The following CGRRF1 variants were observed in gnomAD, a reference collection of about 807,000 sequenced individuals.
CGRRF1 encodes cell growth regulator with RING finger domain protein 1.
A neutral mutation model predicts 37.2 loss-of-function variants in CGRRF1; 32 were observed. The observed-to-expected ratio is 0.86, with a 90% CI of 0.65 to 1.16. CGRRF1 has a LOEUF of 1.16. Ranked by LOEUF, CGRRF1 falls within the 50% of genes most tolerant of loss-of-function variation. The probability of loss-of-function intolerance (pLI) is 0.00; values close to 1 mark genes in which losing one functional copy is unlikely to be tolerated. For missense variants in CGRRF1, 391 were observed against 382.6 expected, an observed-to-expected ratio of 1.02 and a Z score of -0.18; for synonymous variants, 141 against 140.3, an observed-to-expected ratio of 1.00 and a Z score of -0.04.
intron 4 of CGRRF1, chr14:54,537,254 T>TA (rs1365173553): frequency 6.6e-6 from 1 of 152,348 alleles, no homozygotes; most frequent in African/African-American, 2.4e-5. Flanking sequence ...GTCGCCCTCA[T>TA]AACTCTCTCT....
At chr14:54,521,472 A>G (rs2032315852) in intron 1 of CGRRF1, among the ~76,000 whole-genome samples, 1 of 151,984 alleles carries the variant, frequency 6.6e-6, no homozygotes, top group Non-Finnish European at 1.5e-5. Flanking sequence ...AAAAAAAAAA[A>G]AAGTTCCGTT....
intron 2 of CGRRF1, among the ~76,000 whole-genome samples, chr14:54,527,456 T>C (rs181242891): frequency 6.6e-6 from 1 of 152,182 alleles, no homozygotes; most frequent in Admixed American, 6.5e-5. Flanking sequence ...AAACTTAAAG[T>C]ATAATAATAA....
intron 2 of CGRRF1, among the ~76,000 whole-genome samples, chr14:54,525,008 C>T (rs1035257999): frequency 3.3e-5 from 5 of 152,134 alleles, no homozygotes; most frequent in Non-Finnish European, 5.9e-5. Flanking sequence ...GATCACACCA[C>T]TTCACTTCAG....
intron 4 of CGRRF1, among the ~76,000 whole-genome samples, chr14:54,531,490 T>A (rs2032513587): frequency 6.6e-6 from 1 of 152,144 alleles, no homozygotes; most frequent in Admixed American, 6.5e-5. Flanking sequence ...ATTTGCTGTA[T>A]AGAAACAGTC....
rs777519506 is a variant in CGRRF1, at chr14:54,530,117, C to A, written c.313C>A (p.Gln105Lys). The change falls in exon 3 of 6, where the codon CAA (glutamine) becomes AAA (lysine). Residue 105 changes from glutamine (Q) to lysine (K), a missense_variant. By Grantham distance (53) the Gln-to-Lys change is moderately conservative (BLOSUM62 1). Transcript: ENST00000216420. Reference protein sequence around the residue: ...LLTCYWGCSVQKLYEALQKHV... With the variant: ...LLTCYWGCSVKKLYEALQKHV... ...TACATGCTACTGGGGGTGCAGTGTT[C>A]AAAAATTATATGAAGCTCTGCAGAA... 1 of 1,613,478 alleles carries A rather than the reference C, an allele frequency of 6.2e-7. No homozygotes were observed. The highest frequency in any genetic ancestry group is 8.5e-7 in the Non-Finnish European group (1 of 1,179,558).
intron 1 of CGRRF1, among the ~76,000 whole-genome samples, chr14:54,514,397 T>C (rs2032182485): frequency 6.6e-6 from 1 of 152,240 alleles, no homozygotes; most frequent in African/African-American, 2.4e-5. Context: ...TGATGGAAAC[T>C]TGGACTCATT....
chr14:54,520,896 T>C (rs1473466057), intron 1 of CGRRF1, among the ~76,000 whole-genome samples: 2 of 152,158 alleles, frequency 1.3e-5, no homozygotes. Flanking sequence ...ATCACTGATA[T>C]GTATTTGGAG....
chr14:54,532,277 A>C (rs2032528643), intron 4 of CGRRF1, among the ~76,000 whole-genome samples: 1 of 152,130 alleles, frequency 6.6e-6, no homozygotes, highest in Admixed American at 6.6e-5. Flanking sequence ...TTTGGTTTTT[A>C]ATATTTTCAA....
At chr14:54,520,061 A>G (rs1458975789) in intron 1 of CGRRF1, among the ~76,000 whole-genome samples, 4 of 152,134 alleles carry the variant, frequency 2.6e-5, no homozygotes, top group Admixed American at 6.5e-5. Flanking sequence ...TTTCGTTTAT[A>G]GTTTTTTGAA....
intron 1 of CGRRF1, among the ~76,000 whole-genome samples, chr14:54,521,567 C>G (rs558643605): frequency 3.3e-5 from 5 of 151,396 alleles, no homozygotes; most frequent in Non-Finnish European, 5.9e-5. Flanking sequence ...TCCAGTGGCA[C>G]GATCTCGGCT....
At chr14:54,521,242 C>T (rs1594649771) in intron 1 of CGRRF1, among the ~76,000 whole-genome samples, 2 of 151,968 alleles carry the variant, frequency 1.3e-5, no homozygotes, top group African/African-American at 2.4e-5. Flanking sequence ...GGGCGGATCA[C>T]CTAAGGTCAG....
At position 54,510,850 on chromosome 14, in the gene CGRRF1, T is replaced by G. The variant is rs182763807; in HGVS notation, c.104+787T>G. On this transcript the variant is annotated intron_variant, in intron 1 of 5. Coordinates refer to ENST00000216420, the MANE Select transcript of CGRRF1 (RefSeq NM_006568.3). ...AAACCGTGTAACTAGCCCACAACAGTTTTTCTAGGCTGCAGCCTCCAAAAT... is the reference window on the plus strand; with the variant it reads ...AAACCGTGTAACTAGCCCACAACAGGTTTTCTAGGCTGCAGCCTCCAAAAT... 9.2e-5 allele frequency among the ~76,000 whole-genome samples: 14 copies of G among 152,198 alleles called. No individual in the cohort carries two copies. The East Asian group carries it at 2.5e-3, about 27-fold the overall frequency.
chr14:54,525,412 C>T (rs1251249247), intron 2 of CGRRF1, among the ~76,000 whole-genome samples: 1 of 152,214 alleles, frequency 6.6e-6, no homozygotes, highest in Non-Finnish European at 1.5e-5. Flanking sequence ...GCTATGCCTG[C>T]ACACTAGTTG....
intron 4 of CGRRF1, among the ~76,000 whole-genome samples, chr14:54,534,306 G>A (rs1169930995): frequency 6.6e-6 from 1 of 152,026 alleles, no homozygotes; most frequent in Non-Finnish European, 1.5e-5. Flanking sequence ...TGTATTTTTA[G>A]TAGAGATGGT....
At chr14:54,533,091 G>C (rs2032543481) in intron 4 of CGRRF1, among the ~76,000 whole-genome samples, 1 of 151,746 alleles carries the variant, frequency 6.6e-6, no homozygotes, top group Non-Finnish European at 1.5e-5. Context: ...TAGGTGCTCA[G>C]GGTCTTTTTT....
At position 54,538,406 on chromosome 14, in the gene CGRRF1, A is replaced by G. The variant is rs942918466; in HGVS notation, c.*23A>G. 2.0e-6 allele frequency: 3 copies of G among 1,525,528 alleles called. No homozygotes were observed. In the African/African-American group the frequency reaches 4.1e-5, roughly 21 times the overall value. 94.5% of individuals were successfully genotyped at this position (1,525,528 alleles called of 1,614,324 possible). A position where few individuals can be genotyped will look rare whatever the true frequency, so the allele number is the denominator to read the frequency against. ...TGAAGACATCGTAACACTGAAAAGT[A>G]CACTTTCTACTAAAGATGCAGAAAT... is the stretch of plus-strand genomic sequence containing the variant. On this transcript the variant is annotated 3_prime_UTR_variant, in exon 6 of 6. Transcript: ENST00000216420.
chr14:54,511,531 A>G (rs972733743), intron 1 of CGRRF1, among the ~76,000 whole-genome samples: 5 of 152,234 alleles, frequency 3.3e-5, no homozygotes, highest in African/African-American at 1.2e-4. Context: ...TTCCTCCACT[A>G]AGGAAAATAG....
Position 54,531,558 on chromosome 14 carries a change from T to A in CGRRF1, c.570+508T>A, listed in dbSNP as rs554051138. On this transcript the variant is annotated intron_variant, in intron 4 of 5. Coordinates refer to ENST00000216420, the MANE Select transcript of CGRRF1 (RefSeq NM_006568.3). ...AGCAGTGAATAAATAAGCACAATAA[T>A]GATCGAAAGTGCTCAATTTTAAGAT... 5.3e-5 allele frequency among the ~76,000 whole-genome samples: 8 copies of A among 152,302 alleles called. No homozygotes were observed. In the South Asian group the frequency reaches 1.7e-3, roughly 32 times the overall value.
At chr14:54,522,618 T>G (rs2032339194) in intron 2 of CGRRF1, 25 bp downstream of exon 2, 1 of 1,570,294 alleles carries the variant, frequency 6.4e-7, no homozygotes, top group African/African-American at 1.4e-5. Context: ...TCCAAAGATT[T>G]TCTCTCATTG....
Sources: allele counts gnomAD v4.1 joint callset (sites outside exome capture counted in the v4.1 genomes callset), GRCh38; gene constraint gnomAD v4.1.1; transcripts MANE v1.5; gene names NCBI Gene and HGNC (gene_info 2026-07-23, HGNC 2026-07-21).